MAEA: variants seen among roughly 807,000 people sequenced by gnomAD.
MAEA encodes the protein E3 ubiquitin-protein transferase MAEA.
MAEA carries 22 observed loss-of-function variants against 46.2 expected under a neutral mutation model. The observed-to-expected ratio is 0.48, with a 90% CI of 0.34 to 0.68. The LOEUF is 0.68. Ranked by LOEUF, MAEA falls within the 30% of genes least tolerant of loss-of-function variation. MAEA has a pLI of 0.01. For missense variants in MAEA, 393 were observed against 558.1 expected (o/e 0.70, Z 2.98); for synonymous variants, 246 against 222.6 (o/e 1.11, Z -0.94).
intron 1 of MAEA, among the ~76,000 whole-genome samples, chr4:1,304,304 A>AT (rs113752671): frequency 3.3e-4 from 50 of 151,310 alleles, no homozygotes; most frequent in Admixed American, 7.2e-4. Context: ...TTTATTTTGT[A>AT]TTTTTTTTTG....
At chr4:1,318,284 A>G (rs1351172433) in intron 3 of MAEA, among the ~76,000 whole-genome samples, 2 of 152,186 alleles carry the variant, frequency 1.3e-5, no homozygotes, top group African/African-American at 2.4e-5. Context: ...CTGAAGCATG[A>G]GCTGTGGGTG....
At chr4:1,320,700 C>G (rs1382414763) in intron 3 of MAEA, among the ~76,000 whole-genome samples, 1 of 145,710 alleles carries the variant, frequency 6.9e-6, no homozygotes, top group Non-Finnish European at 1.5e-5. Context: ...AAATCATCAA[C>G]ATGAACATGC....
chr4:1,293,308 C>G (rs1734300133), intron 1 of MAEA, among the ~76,000 whole-genome samples: 1 of 152,102 alleles, frequency 6.6e-6, no homozygotes, highest in Non-Finnish European at 1.5e-5. Context: ...GAGAGGATCA[C>G]TTGAGCCAGG....
chr4:1,339,072 A>C lies in MAEA; in HGVS notation c.1096-2A>C, dbSNP rs1238669207. Reference sequence around the variant, plus strand: ...TAATGCATTCCCGGTTTTATTTTTCAGTCTCTGCTTTCTATCCGTCAAGAT... The same window carrying C: ...TAATGCATTCCCGGTTTTATTTTTCCGTCTCTGCTTTCTATCCGTCAAGAT... On this transcript the variant is annotated splice_acceptor_variant, in intron 8 of 8. Transcript: ENST00000303400. LOFTEE classifies it high-confidence loss of function. 1 of 1,612,634 alleles carries C rather than the reference A, an allele frequency of 6.2e-7. No homozygotes were observed.
At chr4:1,304,360 C>G (rs539329191) in intron 1 of MAEA, among the ~76,000 whole-genome samples, 74 of 152,254 alleles carry the variant, frequency 4.9e-4, no homozygotes, top group African/African-American at 1.6e-3. Context: ...TCTCCAACTC[C>G]TGGCCTCAAG....
intron 7 of MAEA, chr4:1,337,363 G>A: frequency 3.4e-6 from 1 of 293,590 alleles, no homozygotes; most frequent in Non-Finnish European, 6.6e-6. Context: ...TCCCGCCTGT[G>A]ACTGACTCTG....
At chr4:1,322,943 CTTTTTTTTTTTTTTTTT>C (rs60692981) in intron 4 of MAEA, among the ~76,000 whole-genome samples, 20 of 75,270 alleles carry the variant, frequency 2.7e-4, no homozygotes, top group Middle Eastern at 7.5e-3. Flanking sequence ...TGAATACCCA[CTTTTTTTTTTTTTTTTT>C]TTTTTTTTTT....
intron 3 of MAEA, among the ~76,000 whole-genome samples, chr4:1,318,394 GC>G (rs1577191319): frequency 1.3e-5 from 2 of 152,226 alleles, no homozygotes; most frequent in South Asian, 4.1e-4. Context: ...CCACAGAAGT[GC>G]GTAGAGCAGG....
Position 1,321,877 on chromosome 4 carries a change from T to TG in MAEA, c.457-504_457-503insG, listed in dbSNP as rs1370316493. ...GGTTACTCTGTTTTTTTTGTTGTTT[T>TG]TTTTTTTTTTCTTTGCTTTCATATA... On this transcript the variant is annotated intron_variant, in intron 3 of 8. Transcript: ENST00000303400. Among the ~76,000 whole-genome samples, 4 of 151,912 alleles carry TG rather than the reference T, an allele frequency of 2.6e-5. No homozygotes were observed. The South Asian group carries it at 6.2e-4, about 24-fold the overall frequency.
intron 4 of MAEA, among the ~76,000 whole-genome samples, chr4:1,327,036 C>G (rs543362937): frequency 6.6e-6 from 1 of 152,196 alleles, no homozygotes; most frequent in African/African-American, 2.4e-5. Context: ...AAGCTTGCTT[C>G]TCTGCCTCAT....
chr4:1,290,765 G>A (rs917685714), intron 1 of MAEA, among the ~76,000 whole-genome samples: 4 of 152,214 alleles, frequency 2.6e-5, no homozygotes, highest in Admixed American at 1.3e-4. Context: ...GTTCACGTCC[G>A]TCTGAGGACG....
chr4:1,319,325 C>G (rs1737710900), intron 3 of MAEA, among the ~76,000 whole-genome samples: 1 of 152,018 alleles, frequency 6.6e-6, no homozygotes, highest in South Asian at 2.1e-4. Flanking sequence ...TGCACTCCAG[C>G]CTGGGCAACA....
Position 1,319,761 on chromosome 4 carries a change from C to T in MAEA, c.457-2620C>T, listed in dbSNP as rs192341092. ...TCTCAAAAAAAAAAAAATGGTTTTT[C>T]AAGTTGCAAAACAAAGTAAGACTTT... On this transcript the variant is annotated intron_variant, in intron 3 of 8. Coordinates refer to ENST00000303400, the MANE Select transcript of MAEA (RefSeq NM_001017405.3). 1.3e-3 allele frequency among the ~76,000 whole-genome samples: 193 copies of T among 145,856 alleles called. 1 individual carries two copies. Among genetic ancestry groups the T allele is most frequent in the African/African-American group, 4.8e-3 (183 of 38,076 alleles).
intron 3 of MAEA, among the ~76,000 whole-genome samples, chr4:1,321,546 G>A (rs542922827): frequency 1.6e-4 from 24 of 152,348 alleles, no homozygotes; most frequent in East Asian, 3.9e-4. Context: ...AGAAAACAGC[G>A]CATCTGTGAG....
chr4:1,332,703 C>T (rs1347123414), intron 5 of MAEA, 54 bp from the exon 6 acceptor site: 6 of 1,439,408 alleles, frequency 4.2e-6, no homozygotes, highest in Admixed American at 3.5e-5. Flanking sequence ...AACCCTGTCT[C>T]TAAAAGTTAA....
At chr4:1,326,567 A>T (rs1577215646) in intron 4 of MAEA, among the ~76,000 whole-genome samples, 1 of 152,282 alleles carries the variant, frequency 6.6e-6, no homozygotes, top group African/African-American at 2.4e-5. Context: ...CCTTAGGTGC[A>T]CGTGAGAGGC....
intron 1 of MAEA, among the ~76,000 whole-genome samples, chr4:1,303,778 A>G (rs1484999004): frequency 6.6e-6 from 1 of 152,060 alleles, no homozygotes; most frequent in South Asian, 2.1e-4. Context: ...ACGGCCTGTG[A>G]ATTGTATCAG....
At chr4:1,294,519 G>A (rs1388593202) in intron 1 of MAEA, among the ~76,000 whole-genome samples, 1 of 152,016 alleles carries the variant, frequency 6.6e-6, no homozygotes, top group Non-Finnish European at 1.5e-5. Context: ...GCGGCCCTGG[G>A]ACCTAAGCAA....
chr4:1,303,858 G>A (rs1476533192), intron 1 of MAEA, among the ~76,000 whole-genome samples: 1 of 149,502 alleles, frequency 6.7e-6, no homozygotes, highest in Non-Finnish European at 1.5e-5. Context: ...CAACTGAAGA[G>A]CATGCTTGCA....
Sources: gnomAD v4.1 joint callset for allele counts (sites outside exome capture counted in the v4.1 genomes callset) on GRCh38, gnomAD v4.1.1 for gene constraint, MANE v1.5 for transcripts, NCBI Gene and HGNC (gene_info 2026-07-23, HGNC 2026-07-21) for gene names.